WDR72: variants seen among roughly 807,000 people sequenced by gnomAD.
WDR72 encodes WD repeat-containing protein 72.
Under a neutral mutation model 124.2 loss-of-function variants are expected in WDR72, and 120 were observed. The ratio of observed to expected loss-of-function variants is 0.97; its 90% CI spans 0.83 to 1.12. The LOEUF (loss-of-function observed/expected upper bound fraction) is 1.12, where lower values mean the gene tolerates loss of function less well. Ranked by LOEUF, WDR72 falls within the 50% of genes most tolerant of loss-of-function variation. The pLI, the probability that WDR72 is intolerant of heterozygous loss-of-function variation, is 0.00. For missense variants in WDR72, 1,387 were observed against 1,278.8 expected (o/e 1.08, Z -1.29); for synonymous variants, 452 against 441.7 (o/e 1.02, Z -0.29).
intron 9 of WDR72, among the ~76,000 whole-genome samples, chr15:53,708,147 C>G (rs1311135827): frequency 6.6e-6 from 1 of 152,180 alleles, no homozygotes; most frequent in Non-Finnish European, 1.5e-5. Context: ...TTCATAGTCC[C>G]TTACCATGTG....
chr15:53,683,396 T>A (rs34120953), intron 13 of WDR72, among the ~76,000 whole-genome samples: 5,169 of 152,228 alleles, frequency 0.034, 133 homozygotes, highest in Non-Finnish European at 0.05. Flanking sequence ...AAACCCCAAA[T>A]ACCCTAACCT....
chr15:53,762,183 C>T (rs1296489833), upstream of WDR72, among the ~76,000 whole-genome samples: 1 of 152,096 alleles, frequency 6.6e-6, no homozygotes, highest in Non-Finnish European at 1.5e-5. Flanking sequence ...TTTGGCCAGG[C>T]CCAAGTAAGA....
At chr15:53,663,042 T>A (rs2015658927) in intron 14 of WDR72, among the ~76,000 whole-genome samples, 1 of 151,334 alleles carries the variant, frequency 6.6e-6, no homozygotes, top group African/African-American at 2.4e-5. Context: ...GCACTGTGAT[T>A]GTGCTGGAGT....
At chr15:53,527,030 C>T (rs1014233121) in intron 18 of WDR72, among the ~76,000 whole-genome samples, 11 of 151,994 alleles carry the variant, frequency 7.2e-5, no homozygotes, top group African/African-American at 2.4e-4. Context: ...CTATGAACTT[C>T]GTATGGATGT....
intron 13 of WDR72, among the ~76,000 whole-genome samples, chr15:53,676,629 T>A (rs1478497425): frequency 6.6e-6 from 1 of 152,132 alleles, no homozygotes; most frequent in Non-Finnish European, 1.5e-5. Context: ...CTGAATTAGT[T>A]TGAAAGTGAA....
Position 53,697,263 on chromosome 15 carries a change from T to C in WDR72, c.1765+2487A>G, listed in dbSNP as rs537231731. Among the ~76,000 whole-genome samples the C allele has an allele frequency of 2.6e-4, 40 of 152,324 alleles. No individual in the cohort carries two copies. In the South Asian group the frequency reaches 7.9e-3, roughly 30 times the overall value. ...ATTGTCCATGTGACAACCCACTCCG[T>C]CCTTTCCTACCCTTCTGTGTCCTTC... is the stretch of plus-strand genomic sequence containing the variant. On this transcript the variant is annotated intron_variant, in intron 13 of 19. Coordinates refer to ENST00000360509, the MANE Select transcript of WDR72 (RefSeq NM_182758.4).
chr15:53,726,264 G>GTGTATATATATATATATA lies in WDR72; in HGVS notation c.154-3357_154-3356insTATATATATATATATACA, dbSNP rs1555428779. On this transcript the variant is annotated intron_variant, in intron 2 of 19. Coordinates refer to ENST00000360509, the MANE Select transcript of WDR72 (RefSeq NM_182758.4). ...TGTGTGTATATATATATGTATGTGT[G>GTGTATATATATATATATA]TATATATATATATATATATATACAC... is the stretch of plus-strand genomic sequence containing the variant. 8.9e-4 allele frequency among the ~76,000 whole-genome samples: 98 copies of GTGTATATATATATATATA among 110,358 alleles called. 1 individual carries two copies. Among genetic ancestry groups the GTGTATATATATATATATA allele is most frequent in the African/African-American group, 4.3e-3 (94 of 21,972 alleles). 72.4% of individuals were successfully genotyped at this position (110,358 alleles called of 152,430 possible). A position where few individuals can be genotyped will look rare whatever the true frequency, so the allele number is the denominator to read the frequency against.
intron 13 of WDR72, among the ~76,000 whole-genome samples, chr15:53,681,496 C>G (rs906898758): frequency 6.6e-6 from 1 of 152,146 alleles, no homozygotes; most frequent in Non-Finnish European, 1.5e-5. Flanking sequence ...ACAAACTACT[C>G]AGCCAGAACT....
At chr15:53,659,992 G>A (rs1321214624) in intron 14 of WDR72, among the ~76,000 whole-genome samples, 2 of 151,812 alleles carry the variant, frequency 1.3e-5, no homozygotes, top group Non-Finnish European at 2.9e-5. Context: ...GAAAATGACT[G>A]TTCATCAAGT....
intron 17 of WDR72, among the ~76,000 whole-genome samples, chr15:53,607,057 A>T (rs1202761299): frequency 6.6e-6 from 1 of 152,174 alleles, no homozygotes; most frequent in African/African-American, 2.4e-5. Context: ...ATGATATGTA[A>T]TGTATCAAGT....
intron 12 of WDR72, among the ~76,000 whole-genome samples, chr15:53,700,403 G>C (rs1315960074): frequency 6.6e-6 from 1 of 152,138 alleles, no homozygotes; most frequent in Non-Finnish European, 1.5e-5. Flanking sequence ...GAACTATACA[G>C]GTTCTAATCC....
intron 13 of WDR72, among the ~76,000 whole-genome samples, chr15:53,673,815 C>T (rs535876245): frequency 6.6e-6 from 1 of 152,072 alleles, no homozygotes; most frequent in South Asian, 2.1e-4. Context: ...CATGGCGAAA[C>T]CCCGTCTCTA....
intron 13 of WDR72, among the ~76,000 whole-genome samples, chr15:53,689,015 T>C (rs2016745396): frequency 6.6e-6 from 1 of 152,164 alleles, no homozygotes; most frequent in Admixed American, 6.5e-5. Context: ...TAGCCATATG[T>C]AGAAAGCTGA....
At chr15:53,741,689 C>T (rs1304139494) in intron 1 of WDR72, among the ~76,000 whole-genome samples, 2 of 152,054 alleles carry the variant, frequency 1.3e-5, no homozygotes, top group African/African-American at 4.8e-5. Flanking sequence ...TGTAATCCCC[C>T]CCTCACTTAT....
In WDR72 at chr15:53,706,010, A is replaced by C. The variant is rs2017342421; in HGVS notation, c.1019T>G (p.Leu340Arg). ...TCTTCCTGAGACTTCTCCAGAGAAAAGTACCTTGTAAAAAGGCTCTTTCCT... is the reference window on the plus strand; with the variant it reads ...TCTTCCTGAGACTTCTCCAGAGAAACGTACCTTGTAAAAAGGCTCTTTCCT... ...NERKEPFYKV[L>R]FSGEVSGRIT... The change falls in exon 10 of 20, where the codon CTT (leucine) becomes CGT (arginine). Residue 340 changes from leucine (L) to arginine (R), a missense_variant. By Grantham distance (102) the Leu-to-Arg change is moderately radical. Coordinates refer to ENST00000360509, the MANE Select transcript of WDR72 (RefSeq NM_182758.4). 1 of 1,614,014 alleles carries C rather than the reference A, an allele frequency of 6.2e-7. No individual in the cohort carries two copies. Among genetic ancestry groups the C allele is most frequent in the African/African-American group, 1.3e-5 (1 of 74,928 alleles).
At chr15:53,517,884 G>T in intron 19 of WDR72, 130 bp from the exon 20 acceptor site, 2 of 820,824 alleles carry the variant, frequency 2.4e-6, no homozygotes, top group Non-Finnish European at 2.0e-6. Context: ...AGAGAATGAG[G>T]AAAAAAAGAA....
At chr15:53,574,745 T>C (rs1159131321) in intron 18 of WDR72, among the ~76,000 whole-genome samples, 1 of 152,180 alleles carries the variant, frequency 6.6e-6, no homozygotes, top group African/African-American at 2.4e-5. Context: ...CAGACTTTCT[T>C]TTCTTCCTCC....
At chr15:53,595,847 T>C (rs917653645) in intron 18 of WDR72, among the ~76,000 whole-genome samples, 1 of 152,178 alleles carries the variant, frequency 6.6e-6, no homozygotes, top group African/African-American at 2.4e-5. Context: ...TTAAAGCTAA[T>C]TTTTGGAAAA....
rs532029694 is a variant in WDR72, at chr15:53,526,584, T to A, written c.3149-3262A>T. On this transcript the variant is annotated intron_variant, in intron 18 of 19. Transcript: ENST00000360509. ...ACAGGTTTTTCCTTGCTTTAGATAG[T>A]CAATAATTTGATCTTTACTCATGGT... Among the ~76,000 whole-genome samples the A allele has an allele frequency of 2.0e-5, 3 of 152,188 alleles. No homozygotes were observed. The South Asian group carries it at 6.2e-4, about 32-fold the overall frequency.
Sources: gnomAD v4.1 joint callset for allele counts (sites outside exome capture counted in the v4.1 genomes callset) on GRCh38, gnomAD v4.1.1 for gene constraint, MANE v1.5 for transcripts, NCBI Gene and HGNC (gene_info 2026-07-23, HGNC 2026-07-21) for gene names.